TOP6BL: variants seen among roughly 807,000 people sequenced by gnomAD.
TOP6BL encodes the protein type 2 DNA topoisomerase 6 subunit B-like.
the TOP6BL span, chr11:66,843,397 G>A: frequency 1.4e-6 from 2 of 1,428,124 alleles, no homozygotes; most frequent in South Asian, 1.5e-5. Flanking sequence ...GCCGCGGCCT[G>A]ACGTCACCCA....
chr11:66,809,528 G>A, the TOP6BL span, among the ~76,000 whole-genome samples: 1 of 152,176 alleles, frequency 6.6e-6, no homozygotes, highest in Non-Finnish European at 1.5e-5. Context: ...ATACTCTAAG[G>A]ATGAAATGGA....
chr11:66,819,014 A>C, the TOP6BL span, among the ~76,000 whole-genome samples: 4 of 152,230 alleles, frequency 2.6e-5, no homozygotes, highest in Non-Finnish European at 4.4e-5. Flanking sequence ...CACATCTGGT[A>C]ATTTAAGACT....
chr11:66,789,376 TTGG>T, the TOP6BL span, among the ~76,000 whole-genome samples: 1 of 152,124 alleles, frequency 6.6e-6, no homozygotes, highest in Admixed American at 6.6e-5. Flanking sequence ...TTCCTTAGAG[TTGG>T]TGGAGACATA....
the TOP6BL span, among the ~76,000 whole-genome samples, chr11:66,748,070 C>T: frequency 2.9e-4 from 44 of 152,236 alleles, no homozygotes; most frequent in South Asian, 8.5e-3. Flanking sequence ...AAACAAACTC[C>T]CACTTAATTT....
the TOP6BL span, among the ~76,000 whole-genome samples, chr11:66,812,270 G>A: frequency 1.3e-5 from 2 of 151,056 alleles, no homozygotes; most frequent in African/African-American, 4.9e-5. Context: ...TCTGCCTCCC[G>A]GGTTCACGCC....
At chr11:66,817,540 G>T in the TOP6BL span, among the ~76,000 whole-genome samples, 1 of 152,236 alleles carries the variant, frequency 6.6e-6, no homozygotes, top group African/African-American at 2.4e-5. Flanking sequence ...CCGGGTTCAA[G>T]CAATTTTCCT....
chr11:66,790,371 G>T, the TOP6BL span, among the ~76,000 whole-genome samples: 1 of 152,294 alleles, frequency 6.6e-6, no homozygotes, highest in South Asian at 2.1e-4. Context: ...TTCCCAGGAT[G>T]GATGATAGAA....
the TOP6BL span, among the ~76,000 whole-genome samples, chr11:66,797,785 G>A: frequency 3.3e-5 from 5 of 152,188 alleles, no homozygotes; most frequent in Non-Finnish European, 7.3e-5. Context: ...GATTACAGGC[G>A]TGAGCCATCA....
chr11:66,784,504 C>T, the TOP6BL span, among the ~76,000 whole-genome samples: 1 of 152,194 alleles, frequency 6.6e-6, no homozygotes, highest in Admixed American at 6.6e-5. Context: ...CATTTTCATC[C>T]AGAAAAAGAA....
the TOP6BL span, chr11:66,839,140 C>T: frequency 4.2e-5 from 19 of 456,190 alleles, no homozygotes. Flanking sequence ...AGTGCTTAAA[C>T]AGCCTTCCCA....
At chr11:66,775,551 CTA>C in the TOP6BL span, among the ~76,000 whole-genome samples, 1 of 152,172 alleles carries the variant, frequency 6.6e-6, no homozygotes, top group African/African-American at 2.4e-5. Flanking sequence ...CTTTAAGAGT[CTA>C]TGTGTATTTT....
the TOP6BL span, among the ~76,000 whole-genome samples, chr11:66,780,090 CA>C: frequency 6.6e-6 from 1 of 151,756 alleles, no homozygotes; most frequent in African/African-American, 2.4e-5. Flanking sequence ...AACACACCAA[CA>C]TGGCACATGT....
the TOP6BL span, chr11:66,744,974 G>T: frequency 8.1e-7 from 1 of 1,239,966 alleles, no homozygotes; most frequent in Non-Finnish European, 1.0e-6. Flanking sequence ...GACGGGCTTT[G>T]TGAGGAGACC....
chr11:66,747,196 G>A, the TOP6BL span, among the ~76,000 whole-genome samples: 1,199 of 152,022 alleles, frequency 7.9e-3, 15 homozygotes, highest in African/African-American at 0.028. Context: ...TCAACCTCCC[G>A]AAGTGCTGGG....
the TOP6BL span, among the ~76,000 whole-genome samples, chr11:66,773,166 C>A: frequency 6.6e-6 from 1 of 152,074 alleles, no homozygotes; most frequent in Non-Finnish European, 1.5e-5. Context: ...ACCTCCCTGG[C>A]TCAAGCGATC....
At chr11:66,744,818 G>GT in the TOP6BL span, 1 of 1,292,608 alleles carries the variant, frequency 7.7e-7, no homozygotes, top group Non-Finnish European at 9.8e-7. Flanking sequence ...GGCTGAGGAG[G>GT]GGGCGGCGGC....
the TOP6BL span, among the ~76,000 whole-genome samples, chr11:66,809,845 A>G: frequency 6.6e-6 from 1 of 152,188 alleles, no homozygotes; most frequent in Non-Finnish European, 1.5e-5. Context: ...AGCTGGGACT[A>G]CAAGCATGCA....
At chr11:66,766,035 A>G in the TOP6BL span, among the ~76,000 whole-genome samples, 1 of 152,212 alleles carries the variant, frequency 6.6e-6, no homozygotes, top group Non-Finnish European at 1.5e-5. Context: ...TAGCTTCATC[A>G]GGGAGTCTCT....
At chr11:66,745,024 A>G in the TOP6BL span, 1 of 1,149,296 alleles carries the variant, frequency 8.7e-7, no homozygotes, top group Non-Finnish European at 1.1e-6. Context: ...GCCTAAGGTG[A>G]AGGAGGAAGG....
Sources: gnomAD v4.1 joint callset for allele counts (sites outside exome capture counted in the v4.1 genomes callset) on GRCh38, gnomAD v4.1.1 for gene constraint, MANE v1.5 for transcripts, NCBI Gene and HGNC (gene_info 2026-07-23, HGNC 2026-07-21) for gene names.